Variants in DISP1 observed in about 807,000 individuals in gnomAD.
DISP1 encodes protein dispatched homolog 1.
A neutral mutation model predicts 37.3 loss-of-function variants in DISP1; 30 were observed. The observed-to-expected ratio is 0.80, with a 90% CI of 0.60 to 1.09. The LOEUF is 1.09. Among genes scored for constraint, DISP1 ranks in the 50% least tolerant of loss-of-function variants. The pLI is 0.00. For missense variants in DISP1, 1,598 were observed against 1,879.5 expected, an observed-to-expected ratio of 0.85 and a Z score of 2.77; for synonymous variants, 634 against 690.2, an observed-to-expected ratio of 0.92 and a Z score of 1.28.
chr1:222,998,062 A>G (rs1558078363), intron 8 of DISP1, among the ~76,000 whole-genome samples: 1 of 152,062 alleles, frequency 6.6e-6, no homozygotes, highest in Non-Finnish European at 1.5e-5. Context: ...AACCTTTCTC[A>G]TGGAGATAAT....
Position 222,990,730 on chromosome 1 carries a change from C to T in DISP1, c.645C>T (p.Asp215=). 6.2e-7 allele frequency: 1 copy of T among 1,614,094 alleles called. No individual in the cohort carries two copies. The change falls in exon 5 of 9, where the codon GAC becomes GAT. Residue 215 remains aspartate, a synonymous_variant. Transcript: ENST00000675850. ...LVGVLVPELP[D]FSDPLLGFEP... is the part of the protein sequence containing the mutation. ...GAGTATTAGTGCCAGAGCTCCCTGA[C>T]TTCTCTGATCCATTGCTGGTAACTA...
At chr1:222,913,964 C>T (rs1672353945) in intron 1 of DISP1, among the ~76,000 whole-genome samples, 1 of 147,000 alleles carries the variant, frequency 6.8e-6, no homozygotes, top group Non-Finnish European at 1.5e-5. Flanking sequence ...GTAGGATCTG[C>T]TTATATAACT....
intron 2 of DISP1, among the ~76,000 whole-genome samples, chr1:222,931,253 T>A (rs2125457704): frequency 6.6e-6 from 1 of 151,896 alleles, no homozygotes; most frequent in African/African-American, 2.4e-5. Flanking sequence ...TGTGTGGGAG[T>A]AAAATTTTCT....
intron 1 of DISP1, among the ~76,000 whole-genome samples, chr1:222,856,619 A>G (rs1015466152): frequency 6.6e-6 from 1 of 152,010 alleles, no homozygotes; most frequent in Non-Finnish European, 1.5e-5. Context: ...TCTGCTGCCT[A>G]CCATACGATA....
chr1:222,943,882 T>C (rs925329657), intron 3 of DISP1, among the ~76,000 whole-genome samples: 6 of 151,996 alleles, frequency 3.9e-5, no homozygotes, highest in Non-Finnish European at 7.4e-5. Context: ...TACAAAAAAT[T>C]AGCTGGGCGT....
At chr1:222,975,023 C>G (rs189606163) in intron 3 of DISP1, among the ~76,000 whole-genome samples, 10 of 152,266 alleles carry the variant, frequency 6.6e-5, no homozygotes, top group Admixed American at 5.9e-4. Flanking sequence ...GTGCTACTTA[C>G]AGCACTTTTT....
intron 6 of DISP1, 76 bp from the exon 7 acceptor site, chr1:222,991,937 G>A: frequency 8.5e-7 from 1 of 1,178,922 alleles, no homozygotes; most frequent in Non-Finnish European, 1.3e-6. Context: ...CTTTGAGGAA[G>A]TAATGTTTCC....
At chr1:222,856,003 T>C (rs961105831) in intron 1 of DISP1, among the ~76,000 whole-genome samples, 3 of 152,332 alleles carry the variant, frequency 2.0e-5, no homozygotes, top group Admixed American at 2.0e-4. Context: ...TTCTTCTGTT[T>C]AAAAAGATAT....
intron 4 of DISP1, among the ~76,000 whole-genome samples, chr1:222,988,033 T>C (rs1391667782): frequency 1.3e-5 from 2 of 152,208 alleles, no homozygotes; most frequent in African/African-American, 2.4e-5. Flanking sequence ...GGGTGTGTCC[T>C]AGAAGTGTGA....
intron 1 of DISP1, among the ~76,000 whole-genome samples, chr1:222,887,134 C>G (rs375058978): frequency 2.0e-5 from 3 of 152,264 alleles, no homozygotes; most frequent in African/African-American, 7.2e-5. Flanking sequence ...TTCAGAGATA[C>G]CAAGTTATCA....
At chr1:222,833,430 C>A (rs979511277) in intron 1 of DISP1, among the ~76,000 whole-genome samples, 3 of 152,150 alleles carry the variant, frequency 2.0e-5, no homozygotes, top group African/African-American at 7.2e-5. Flanking sequence ...CTCTAGTACC[C>A]TACATATTTA....
intron 1 of DISP1, among the ~76,000 whole-genome samples, chr1:222,889,789 C>T (rs1294081258): frequency 3.3e-5 from 5 of 152,092 alleles, no homozygotes; most frequent in African/African-American, 4.8e-5. Context: ...TTCTTTTACA[C>T]TTGTACTTTT....
At chr1:222,864,858 C>T (rs924284120) in intron 1 of DISP1, among the ~76,000 whole-genome samples, 34 of 152,090 alleles carry the variant, frequency 2.2e-4, no homozygotes, top group African/African-American at 8.0e-4. Context: ...GAGCAAATGA[C>T]TAGAAATTTC....
intron 3 of DISP1, among the ~76,000 whole-genome samples, chr1:222,950,233 G>A (rs1319674564): frequency 1.3e-5 from 2 of 152,016 alleles, no homozygotes; most frequent in African/African-American, 2.4e-5. Flanking sequence ...ACTCGAGGAG[G>A]CAAAACATGG....
chr1:222,997,547 T>C (rs1174803071), intron 8 of DISP1, among the ~76,000 whole-genome samples: 1 of 152,170 alleles, frequency 6.6e-6, no homozygotes, highest in Non-Finnish European at 1.5e-5. Context: ...AACATTACAG[T>C]AAAAGCATTT....
intron 3 of DISP1, 83 bp downstream of exon 3, chr1:222,943,415 G>C: frequency 1.3e-6 from 2 of 1,586,842 alleles, no homozygotes; most frequent in Non-Finnish European, 8.6e-7. Context: ...CCTGAAAGGA[G>C]AGGAGAAAAA....
In DISP1 at chr1:223,003,759, A is replaced by G. The variant is rs2102801720; in HGVS notation, c.2362A>G (p.Thr788Ala). The G allele has an allele frequency of 6.2e-7, 1 of 1,614,142 alleles. No individual in the cohort carries two copies. The highest frequency in any genetic ancestry group is 1.1e-5 in the South Asian group (1 of 91,084). Reference protein sequence around the residue: ...HHGEELHMPITVIWGVSPEDN... With the variant: ...HHGEELHMPIAVIWGVSPEDN... ...TGGCGAGGAGCTCCACATGCCCATC[A>G]CAGTAATCTGGGGCGTGTCCCCAGA... The change falls in exon 9 of 9, where the codon ACA (threonine) becomes GCA (alanine). Residue 788 changes from threonine (T) to alanine (A), a missense_variant. Thr to Ala is a moderately conservative substitution (Grantham distance 58, BLOSUM62 0). Coordinates refer to ENST00000675850, the MANE Select transcript of DISP1 (RefSeq NM_001377229.1). The surrounding 1 kb of genome is among the most constrained non-coding windows in gnomAD (Gnocchi z 4.3).
At chr1:222,946,975 A>G (rs1024943514) in intron 3 of DISP1, among the ~76,000 whole-genome samples, 12 of 152,242 alleles carry the variant, frequency 7.9e-5, no homozygotes, top group African/African-American at 2.9e-4. Flanking sequence ...ATGAGGACTC[A>G]TTATAGATTT....
rs1248522530 is a variant in DISP1 at position 223,003,528 on chromosome 1, C to T, written c.2131C>T (p.Pro711Ser). 1 of 1,614,150 alleles carries T rather than the reference C, an allele frequency of 6.2e-7. No individual in the cohort carries two copies. The highest frequency in any genetic ancestry group is 1.7e-5 in the Admixed American group (1 of 60,020). ...TCGAATTTTTTTCGAAAAAGTATTGCCATGCATTGTCATTAAGTTTCGCTA... is the reference window on the plus strand; with the variant it reads ...TCGAATTTTTTTCGAAAAAGTATTGTCATGCATTGTCATTAAGTTTCGCTA... ...ASRIFFEKVL[P>S]CIVIKFRYLW... The change falls in exon 9 of 9, where the codon CCA becomes TCA. Residue 711 changes from proline to serine, a missense_variant. Pro to Ser is a moderately conservative substitution (Grantham distance 74). Transcript: ENST00000675850. The surrounding 1 kb of genome is among the most constrained non-coding windows in gnomAD (Gnocchi z 4.3).
Sources: gnomAD v4.1 joint callset for allele counts (sites outside exome capture counted in the v4.1 genomes callset) on GRCh38, gnomAD v4.1.1 for gene constraint, Gnocchi (gnomAD v3.1) non-coding constraint, MANE v1.5 for transcripts, NCBI Gene and HGNC (gene_info 2026-07-23, HGNC 2026-07-21) for gene names.